DLG2: variants seen among roughly 807,000 people sequenced by gnomAD.
DLG2 encodes disks large homolog 2.
Under a neutral mutation model 132.5 loss-of-function variants are expected in DLG2, and 45 were observed. The ratio of observed to expected loss-of-function variants is 0.34; its 90% confidence interval spans 0.27 to 0.44. The LOEUF is 0.44. Among genes scored for constraint, DLG2 ranks in the 20% least tolerant of loss-of-function variants. The probability of loss-of-function intolerance (pLI) is 1.00; values close to 1 mark genes in which losing one functional copy is unlikely to be tolerated. For missense variants in DLG2, 1,045 were observed against 1,196.9 expected, an observed-to-expected ratio of 0.87 and a Z score of 1.87; for synonymous variants, 424 against 419.6, an observed-to-expected ratio of 1.01 and a Z score of -0.13.
intron 6 of DLG2, among the ~76,000 whole-genome samples, chr11:84,541,364 G>A (rs2099369289): frequency 1.3e-5 from 2 of 151,582 alleles, no homozygotes; most frequent in East Asian, 1.9e-4. Flanking sequence ...TTCTATCCCC[G>A]TCCCCGTTCT....
chr11:84,731,899 G>T (rs139141657), intron 6 of DLG2, among the ~76,000 whole-genome samples: 5 of 151,816 alleles, frequency 3.3e-5, no homozygotes, highest in Admixed American at 3.3e-4. Flanking sequence ...ACCTTCAAAC[G>T]TTTCCACGTG....
intron 2 of DLG2, among the ~76,000 whole-genome samples, chr11:85,612,856 C>G (rs533904422): frequency 4.3e-4 from 65 of 152,234 alleles, no homozygotes; most frequent in Admixed American, 2.9e-3. Flanking sequence ...AATTCTCAGA[C>G]AGTTTGCAAG....
intron 15 of DLG2, among the ~76,000 whole-genome samples, chr11:83,894,185 T>C (rs2070851490): frequency 6.6e-6 from 1 of 152,208 alleles, no homozygotes; most frequent in African/African-American, 2.4e-5. Flanking sequence ...TTATAGGACA[T>C]TTCTGTATCT....
chr11:83,688,532 T>TA (rs766483025), intron 18 of DLG2, among the ~76,000 whole-genome samples: 6 of 152,188 alleles, frequency 3.9e-5, no homozygotes, highest in Non-Finnish European at 7.4e-5. Flanking sequence ...TGGAGAGTGT[T>TA]AATAAACTTC....
chr11:84,425,912 T>C (rs2098964924), intron 7 of DLG2, among the ~76,000 whole-genome samples: 1 of 152,156 alleles, frequency 6.6e-6, no homozygotes, highest in South Asian at 2.1e-4. Context: ...ATGCAACCAC[T>C]GGTGTGGAAT....
At chr11:85,096,730 G>A (rs772663868) in intron 6 of DLG2, among the ~76,000 whole-genome samples, 12 of 150,306 alleles carry the variant, frequency 8.0e-5, no homozygotes, top group Non-Finnish European at 1.6e-4. Flanking sequence ...ATCACCAAGC[G>A]ATGAGTACCA....
chr11:83,512,275 G>A (rs1239142507), intron 21 of DLG2, among the ~76,000 whole-genome samples: 2 of 152,204 alleles, frequency 1.3e-5, no homozygotes. Context: ...CTGATAAAGA[G>A]TAGGATTTGG....
intron 14 of DLG2, among the ~76,000 whole-genome samples, chr11:83,936,153 C>A (rs999591702): frequency 6.6e-6 from 1 of 152,182 alleles, no homozygotes; most frequent in African/African-American, 2.4e-5. Flanking sequence ...TCAGTTCACA[C>A]GATAGCACTT....
intron 3 of DLG2, among the ~76,000 whole-genome samples, chr11:85,495,203 G>T (rs1369720595): frequency 6.6e-6 from 1 of 152,136 alleles, no homozygotes. Flanking sequence ...CAAAAATGTA[G>T]AACAATATAA....
chr11:85,374,546 C>A (rs1302451039), intron 3 of DLG2, among the ~76,000 whole-genome samples: 1 of 152,102 alleles, frequency 6.6e-6, no homozygotes, highest in African/African-American at 2.4e-5. Context: ...ACCATGTTGG[C>A]CATGGTTGGC....
At chr11:83,897,059 T>C (rs2071936661) in intron 15 of DLG2, among the ~76,000 whole-genome samples, 2 of 152,164 alleles carry the variant, frequency 1.3e-5, no homozygotes, top group Non-Finnish European at 2.9e-5. Flanking sequence ...ATAACACTCA[T>C]GTTATTCAAT....
intron 14 of DLG2, among the ~76,000 whole-genome samples, chr11:83,950,627 G>A (rs1350557737): frequency 2.0e-5 from 3 of 152,132 alleles, no homozygotes; most frequent in Admixed American, 6.6e-5. Flanking sequence ...ATAAGCAAAT[G>A]GCTTGGGCCA....
At chr11:85,500,940 T>C (rs193150133) in intron 3 of DLG2, among the ~76,000 whole-genome samples, 582 of 152,084 alleles carry the variant, frequency 3.8e-3, no homozygotes, top group Non-Finnish European at 6.6e-3. Flanking sequence ...TATGCAACCA[T>C]AAAAGAGCTC....
At chr11:84,012,683 T>C (rs987087283) in intron 11 of DLG2, among the ~76,000 whole-genome samples, 1 of 152,020 alleles carries the variant, frequency 6.6e-6, no homozygotes, top group Non-Finnish European at 1.5e-5. Context: ...CCCCGTAGAG[T>C]AGCACATGTG....
intron 6 of DLG2, among the ~76,000 whole-genome samples, chr11:85,052,413 A>C (rs1268584961): frequency 1.3e-5 from 2 of 152,206 alleles, no homozygotes; most frequent in Non-Finnish European, 2.9e-5. Flanking sequence ...CTGACAAAAG[A>C]ATTTCAGGAG....
At chr11:84,580,531 C>T (rs1042376346) in intron 6 of DLG2, among the ~76,000 whole-genome samples, 1 of 152,168 alleles carries the variant, frequency 6.6e-6, no homozygotes, top group Non-Finnish European at 1.5e-5. Flanking sequence ...ATTTGGGTCC[C>T]AGTGAGCAGC....
intron 6 of DLG2, among the ~76,000 whole-genome samples, chr11:84,936,489 AAATG>A (rs2154094496): frequency 6.6e-6 from 1 of 152,238 alleles, no homozygotes; most frequent in East Asian, 1.9e-4. Context: ...TTAAATAAAT[AAATG>A]AACTATAGTG....
intron 8 of DLG2, among the ~76,000 whole-genome samples, chr11:84,228,460 C>A (rs1269993310): frequency 6.6e-6 from 1 of 152,078 alleles, no homozygotes; most frequent in East Asian, 1.9e-4. Flanking sequence ...CTATGTATTG[C>A]CAATTTATAT....
At chr11:84,223,950 G>C (rs1355316081) in intron 8 of DLG2, among the ~76,000 whole-genome samples, 2 of 152,150 alleles carry the variant, frequency 1.3e-5, no homozygotes, top group Non-Finnish European at 2.9e-5. Context: ...GCCCATTAAG[G>C]AACCCAGCCT....
Sources: allele counts gnomAD v4.1 joint callset (sites outside exome capture counted in the v4.1 genomes callset), GRCh38; gene constraint gnomAD v4.1.1; transcripts MANE v1.5; gene names NCBI Gene and HGNC (gene_info 2026-07-23, HGNC 2026-07-21).